DMD: variants seen among roughly 807,000 people sequenced by gnomAD.
DMD encodes the protein dystrophin.
A neutral mutation model predicts 330.1 loss-of-function variants in DMD; 63 were observed. The observed-to-expected ratio is 0.19, with a 90% CI of 0.16 to 0.24. The LOEUF (loss-of-function observed/expected upper bound fraction) is 0.24. Among genes scored for constraint, DMD ranks in the 10% least tolerant of loss-of-function variants. DMD has a pLI of 1.00. For missense variants in DMD, 3,344 were observed against 2,684.1 expected (o/e 1.25, Z -5.43); for synonymous variants, 1,223 against 959.8 (o/e 1.27, Z -5.07).
Position 32,318,594 on chromosome X carries a change from C to T in DMD, c.5923-8318G>A, listed in dbSNP as rs539708297. 5.6e-4 allele frequency among the ~76,000 whole-genome samples: 62 copies of T among 110,879 alleles called. No individual in the cohort carries two copies. In the South Asian group the frequency reaches 0.023, roughly 41 times the overall value. ...TTGCTCTTATGTGATTTCCCCCTTC[C>T]TATTGCATCATCTAAAAAATTGCTT... On this transcript the variant is annotated intron_variant, in intron 41 of 78. Transcript: ENST00000357033.
At chrX:31,369,181 G>C (rs1046659217) in intron 60 of DMD, among the ~76,000 whole-genome samples, 30 of 112,329 alleles carry the variant, frequency 2.7e-4, no homozygotes, top group Non-Finnish European at 1.9e-4. Context: ...CCACTGCTGA[G>C]GCCGGGATTT....
At chrX:31,676,220 G>A (rs895106816) in intron 53 of DMD, among the ~76,000 whole-genome samples, 25 of 111,946 alleles carry the variant, frequency 2.2e-4, no homozygotes, top group African/African-American at 8.1e-4. Flanking sequence ...GCAAGGGGGT[G>A]TTGCTTTAGC....
At chrX:33,085,788 G>T (rs929184896) in intron 1 of DMD, 2 of 110,804 alleles carry the variant, frequency 1.8e-5, no homozygotes, top group Admixed American at 1.9e-4. Context: ...ATACTCTCAG[G>T]GATAAAATTC....
At chrX:32,897,752 C>G (rs2085858545) in intron 2 of DMD, among the ~76,000 whole-genome samples, 1 of 111,702 alleles carries the variant, frequency 9.0e-6, no homozygotes, top group Non-Finnish European at 1.9e-5. Context: ...TGTGTTCATA[C>G]TATTAAGAAG....
intron 7 of DMD, among the ~76,000 whole-genome samples, chrX:32,774,904 T>C (rs181086093): frequency 8.9e-5 from 10 of 112,033 alleles, no homozygotes; most frequent in Admixed American, 1.9e-4. Context: ...CAAAGTTTCA[T>C]CTGAGACAAG....
chrX:32,844,422 G>A lies in DMD; in HGVS notation c.264+361C>T, dbSNP rs202020721. On this transcript the variant is annotated intron_variant, in intron 4 of 78. Transcript: ENST00000357033. ...ACTCCATCTCAAAAAAAAAAAAAAA[G>A]AAAAGAAAAGAAAAGAAAAGAAAAA... Among the ~76,000 whole-genome samples the A allele has an allele frequency of 9.5e-3, 487 of 51,229 alleles. 3 individuals carry two copies. Among genetic ancestry groups the A allele is most frequent in the East Asian group, 0.041 (96 of 2,333 alleles). The allele number at this position is 51,229 out of a possible 115,157, so 44.5% of individuals were successfully genotyped here. A position where few individuals can be genotyped will look rare whatever the true frequency, so the allele number is the denominator to read the frequency against.
At chrX:32,094,483 G>T (rs181386178) in intron 44 of DMD, among the ~76,000 whole-genome samples, 2 of 111,628 alleles carry the variant, frequency 1.8e-5, no homozygotes, top group Non-Finnish European at 3.8e-5. Context: ...AAAATGTTTA[G>T]TTATTTTTGT....
At chrX:32,839,719 T>C (rs776530907) in intron 4 of DMD, among the ~76,000 whole-genome samples, 5 of 87,047 alleles carry the variant, frequency 5.7e-5, no homozygotes, top group Admixed American at 1.3e-4. Flanking sequence ...TGGAGAATTA[T>C]AAGATAATGC....
intron 7 of DMD, among the ~76,000 whole-genome samples, chrX:32,757,967 G>C (rs1443869860): frequency 9.0e-6 from 1 of 111,686 alleles, no homozygotes; most frequent in Non-Finnish European, 1.9e-5. Flanking sequence ...AGGAGGAAGA[G>C]GAGGGAGGAA....
At chrX:32,932,264 A>G (rs1352740808) in intron 2 of DMD, among the ~76,000 whole-genome samples, 10 of 112,520 alleles carry the variant, frequency 8.9e-5, no homozygotes, top group Non-Finnish European at 1.7e-4. Context: ...ACTGATTAAC[A>G]CTGATACTGC....
intron 48 of DMD, among the ~76,000 whole-genome samples, chrX:31,837,135 C>A (rs943805317): frequency 8.9e-6 from 1 of 112,066 alleles, no homozygotes; most frequent in African/African-American, 3.2e-5. Flanking sequence ...TGAATAAACA[C>A]TAGTTTTAGC....
At chrX:32,280,125 ATG>A (rs1218700412) in intron 43 of DMD, among the ~76,000 whole-genome samples, 37 of 99,197 alleles carry the variant, frequency 3.7e-4, no homozygotes, top group African/African-American at 7.4e-4. Context: ...ATATTTATAT[ATG>A]TGTGTTTATA....
chrX:32,958,652 T>G (rs762471915), intron 2 of DMD, among the ~76,000 whole-genome samples: 2 of 112,030 alleles, frequency 1.8e-5, no homozygotes, highest in East Asian at 5.6e-4. Flanking sequence ...TTAAAATTTA[T>G]TAAAGTCAGC....
intron 45 of DMD, among the ~76,000 whole-genome samples, chrX:31,960,058 CT>C (rs145718474): frequency 3.8e-4 from 39 of 102,313 alleles, no homozygotes; most frequent in South Asian, 8.5e-4. Flanking sequence ...CGCATCTGGC[CT>C]TTTTTTTTTT....
intron 2 of DMD, among the ~76,000 whole-genome samples, chrX:32,853,470 T>C (rs2081294559): frequency 2.7e-5 from 3 of 111,732 alleles, no homozygotes; most frequent in Admixed American, 9.5e-5. Flanking sequence ...GTTTGAGTTT[T>C]TAATTAGTTT....
chrX:31,709,478 AAAT>A (rs1320849434), intron 52 of DMD, among the ~76,000 whole-genome samples: 3 of 110,643 alleles, frequency 2.7e-5, no homozygotes, highest in Non-Finnish European at 3.8e-5. Flanking sequence ...AATCTAGAAA[AAAT>A]AATAATAGAA....
chrX:32,759,862 G>T (rs1450690807), intron 7 of DMD, among the ~76,000 whole-genome samples: 1 of 63,046 alleles, frequency 1.6e-5, no homozygotes. Flanking sequence ...GGGGGGGGCG[G>T]GGGAAGACCC....
intron 2 of DMD, among the ~76,000 whole-genome samples, chrX:32,867,592 C>G (rs1412880432): frequency 8.9e-6 from 1 of 111,913 alleles, no homozygotes; most frequent in Non-Finnish European, 1.9e-5. Flanking sequence ...TTCAGTGATT[C>G]ATCTTTATCA....
chrX:31,257,138 T>C (rs1322275892), intron 63 of DMD, among the ~76,000 whole-genome samples: 1 of 103,905 alleles, frequency 9.6e-6, no homozygotes, highest in East Asian at 3.3e-4. Flanking sequence ...TAAACATGTG[T>C]TGAACAGGCT....
Sources: allele counts gnomAD v4.1 joint callset (sites outside exome capture counted in the v4.1 genomes callset), GRCh38; gene constraint gnomAD v4.1.1; transcripts MANE v1.5; gene names NCBI Gene and HGNC (gene_info 2026-07-23, HGNC 2026-07-21).